The following LRMDA variants were observed in gnomAD, a reference collection of about 807,000 sequenced individuals.
LRMDA encodes the protein leucine-rich melanocyte differentiation-associated protein.
In LRMDA, 18 loss-of-function variants were observed where a neutral mutation model predicts 29.8. That is an observed-to-expected ratio of 0.60 (90% CI 0.42 to 0.90). The LOEUF is 0.90. Among genes scored for constraint, LRMDA ranks in the 40% least tolerant of loss-of-function variants. LRMDA has a pLI of 0.00. For synonymous variants in LRMDA, 125 were observed against 109.4 expected (o/e 1.14, Z -0.89); for missense variants, 273 against 273.9 (o/e 1.00, Z 0.02).
intron 2 of LRMDA, among the ~76,000 whole-genome samples, chr10:75,986,549 T>C (rs1339751255): frequency 6.6e-6 from 1 of 152,268 alleles, no homozygotes; most frequent in Non-Finnish European, 1.5e-5. Flanking sequence ...AACTAGCTTA[T>C]GTGATGATGG....
intron 2 of LRMDA, among the ~76,000 whole-genome samples, chr10:75,469,482 C>T (rs1014191364): frequency 1.3e-5 from 2 of 152,054 alleles, no homozygotes; most frequent in African/African-American, 4.8e-5. Flanking sequence ...CCTTCCCAAC[C>T]CCTTTCTGAT....
chr10:75,544,128 CAT>C (rs1564796708), intron 2 of LRMDA, among the ~76,000 whole-genome samples: 1 of 151,982 alleles, frequency 6.6e-6, no homozygotes, highest in South Asian at 2.1e-4. Context: ...TGTTTGTGTC[CAT>C]GTGTGTGTCT....
intron 6 of LRMDA, among the ~76,000 whole-genome samples, chr10:76,388,680 G>C (rs955148199): frequency 6.6e-6 from 1 of 152,224 alleles, no homozygotes; most frequent in South Asian, 2.1e-4. Flanking sequence ...AGGGGACACG[G>C]ATACCACCTT....
At chr10:75,775,366 T>C (rs4746327) in intron 2 of LRMDA, among the ~76,000 whole-genome samples, 69,327 of 152,154 alleles carry the variant, frequency 0.46, 16,237 homozygotes, top group South Asian at 0.53. Flanking sequence ...AGCAATCCTC[T>C]TGCATCAACC....
chr10:75,791,068 G>A lies in LRMDA; in HGVS notation c.132-244940G>A, dbSNP rs1240240190. On this transcript the variant is annotated intron_variant, in intron 2 of 6. Coordinates refer to ENST00000611255, the MANE Select transcript of LRMDA (RefSeq NM_001305581.2). ...ATGGGGGCTAATTCTGTGCAGTGCA[G>A]TGTGGGGACAGAGCATCCCACTTTC... Among the ~76,000 whole-genome samples the A allele has an allele frequency of 2.6e-5, 4 of 152,348 alleles. No individual in the cohort carries two copies. The East Asian group carries it at 7.7e-4, about 29-fold the overall frequency.
chr10:76,133,674 C>T (rs148652029), intron 5 of LRMDA, among the ~76,000 whole-genome samples: 144 of 152,358 alleles, frequency 9.5e-4, no homozygotes, highest in African/African-American at 3.3e-3. Context: ...CTCCTCTCAC[C>T]TGATGGAGCT....
intron 2 of LRMDA, among the ~76,000 whole-genome samples, chr10:75,812,108 A>ATTTTTTTT (rs67846089): frequency 4.3e-5 from 2 of 46,284 alleles, no homozygotes; most frequent in African/African-American, 2.4e-4. Flanking sequence ...TTTAATTGTG[A>ATTTTTTTT]TTTTTTTTTT....
intron 2 of LRMDA, among the ~76,000 whole-genome samples, chr10:75,561,285 T>G (rs999912749): frequency 1.3e-5 from 2 of 150,818 alleles, no homozygotes; most frequent in Non-Finnish European, 3.0e-5. Context: ...GTCAAGGAAT[T>G]TATCCATTTC....
At chr10:75,509,188 C>T (rs776769498) in intron 2 of LRMDA, among the ~76,000 whole-genome samples, 1 of 152,212 alleles carries the variant, frequency 6.6e-6, no homozygotes, top group Non-Finnish European at 1.5e-5. Flanking sequence ...CCGTTGCTGG[C>T]TGACATCTCC....
At chr10:75,880,409 A>G (rs1382237417) in intron 2 of LRMDA, among the ~76,000 whole-genome samples, 2 of 152,254 alleles carry the variant, frequency 1.3e-5, no homozygotes, top group Non-Finnish European at 2.9e-5. Context: ...TCACGCTAAC[A>G]TTTTACAAAT....
At chr10:76,395,149 A>G (rs74508566) in intron 6 of LRMDA, among the ~76,000 whole-genome samples, 2,368 of 152,334 alleles carry the variant, frequency 0.016, 23 homozygotes, top group Middle Eastern at 0.048. Flanking sequence ...AAGAATAACT[A>G]CAGGAGGAGC....
intron 5 of LRMDA, among the ~76,000 whole-genome samples, chr10:76,145,238 T>C (rs1440311957): frequency 6.6e-6 from 1 of 152,214 alleles, no homozygotes; most frequent in Non-Finnish European, 1.5e-5. Flanking sequence ...TCTTTTTCTA[T>C]TGATTGGAAT....
In LRMDA at chr10:76,356,207, G is replaced by A. The variant is rs974095989; in HGVS notation, c.601+31722G>A. Among the ~76,000 whole-genome samples, 23 of 152,302 alleles carry A rather than the reference G, an allele frequency of 1.5e-4. No individual in the cohort carries two copies. In the East Asian group the frequency reaches 3.5e-3, roughly 23 times the overall value. On this transcript the variant is annotated intron_variant, in intron 6 of 6. Coordinates refer to ENST00000611255, the MANE Select transcript of LRMDA (RefSeq NM_001305581.2). Reference sequence around the variant, plus strand: ...GATGATAGTGGTGGTAGTGGTCATCGTCATGGAGATGGTAGTTATTATTCC... The same window carrying A: ...GATGATAGTGGTGGTAGTGGTCATCATCATGGAGATGGTAGTTATTATTCC...
intron 5 of LRMDA, among the ~76,000 whole-genome samples, chr10:76,087,448 A>T (rs938930493): frequency 1.3e-5 from 2 of 152,222 alleles, no homozygotes; most frequent in African/African-American, 4.8e-5. Flanking sequence ...AAGCTTTTGC[A>T]TACCACACCC....
intron 2 of LRMDA, among the ~76,000 whole-genome samples, chr10:75,707,457 G>A (rs1326248075): frequency 6.6e-6 from 1 of 152,202 alleles, no homozygotes; most frequent in African/African-American, 2.4e-5. Context: ...ATGGATGCCA[G>A]GCAGATTTAG....
At chr10:76,337,512 C>A (rs926056711) in intron 6 of LRMDA, among the ~76,000 whole-genome samples, 2 of 152,044 alleles carry the variant, frequency 1.3e-5, no homozygotes, top group African/African-American at 4.8e-5. Context: ...GAGGAAGGAG[C>A]AAGTGCAAGG....
intron 2 of LRMDA, among the ~76,000 whole-genome samples, chr10:75,807,281 C>CT (rs1302867568): frequency 6.6e-6 from 1 of 152,150 alleles, no homozygotes; most frequent in Non-Finnish European, 1.5e-5. Flanking sequence ...CCCTATGGGA[C>CT]TGTCAAGAGA....
At chr10:75,920,004 CT>C (rs1331494703) in intron 2 of LRMDA, among the ~76,000 whole-genome samples, 57 of 152,258 alleles carry the variant, frequency 3.7e-4, no homozygotes, top group South Asian at 3.1e-3. Flanking sequence ...TCAACATCAA[CT>C]TGACTAAATC....
intron 5 of LRMDA, among the ~76,000 whole-genome samples, chr10:76,129,365 A>G (rs1849944210): frequency 6.6e-6 from 1 of 152,198 alleles, no homozygotes; most frequent in Non-Finnish European, 1.5e-5. Context: ...ACTTCTGGCC[A>G]GGCTGTTGCC....
Sources: gnomAD v4.1 joint callset for allele counts (sites outside exome capture counted in the v4.1 genomes callset) on GRCh38, gnomAD v4.1.1 for gene constraint, MANE v1.5 for transcripts, NCBI Gene and HGNC (gene_info 2026-07-23, HGNC 2026-07-21) for gene names.